N4BP2: variants seen among roughly 807,000 people sequenced by gnomAD.
The protein encoded by N4BP2 is NEDD4-binding protein 2.
A neutral mutation model predicts 152.8 loss-of-function variants in N4BP2; 91 were observed. That is an observed-to-expected ratio of 0.60 (90% CI 0.50 to 0.71). The LOEUF is 0.71. N4BP2 is among the 30% of genes least tolerant of loss of function. N4BP2 has a pLI of 0.00. For synonymous variants in N4BP2, 646 were observed against 705.3 expected (o/e 0.92, Z 1.33); for missense variants, 1,923 against 2,059.1 (o/e 0.93, Z 1.28).
At chr4:40,165,086 C>T in the N4BP2 span, among the ~76,000 whole-genome samples, 2 of 151,756 alleles carry the variant, frequency 1.3e-5, no homozygotes, top group East Asian at 3.9e-4. Context: ...TTTAAAGTAC[C>T]TTATTAATTT....
rs765833633 is a variant in N4BP2, at chr4:40,102,324, A to G, written c.479A>G (p.Gln160Arg). Residue 160 changes from glutamine (Q) to arginine (R), a missense_variant, in exon 4 of 18, where the codon CAA (glutamine) becomes CGA (arginine). Transcript: ENST00000261435. ...FEKLNSSPDD[Q>R]VYSFLPSQDV... ...AAATTGAACTCTTCTCCTGATGACC[A>G]AGTATACTCATTTTTGCCTTCACAA... The G allele has an allele frequency of 1.2e-6, 2 of 1,613,504 alleles. No homozygotes were observed. The highest frequency in any genetic ancestry group is 3.3e-5 in the Admixed American group (2 of 59,854).
Position 40,113,522 on chromosome 4 carries a change from G to C in N4BP2, c.1664+14G>C. 1 of 1,590,144 alleles carries C rather than the reference G, an allele frequency of 6.3e-7. No individual in the cohort carries two copies. Among genetic ancestry groups the C allele is most frequent in the Non-Finnish European group, 8.6e-7 (1 of 1,159,020 alleles). ...GGAACTTGCAAGGTAAAACTTGGAG[G>C]CTACCTAACATGCTTTTTATGTAAC... On this transcript the variant is annotated intron_variant, in intron 7 of 17. Transcript: ENST00000261435.
At chr4:40,101,975 G>T in intron 3 of N4BP2, 100 bp from the exon 4 acceptor site, 1 of 721,666 alleles carries the variant, frequency 1.4e-6, no homozygotes, top group Non-Finnish European at 2.1e-6. Flanking sequence ...TCTGTTCAAT[G>T]CAAAATCCAA....
At chr4:40,140,990 C>G (rs1016230950) in intron 14 of N4BP2, among the ~76,000 whole-genome samples, 2 of 151,260 alleles carry the variant, frequency 1.3e-5, no homozygotes, top group African/African-American at 4.9e-5. Context: ...TGTCTACCTC[C>G]TACTACACAA....
chr4:40,112,085 A>C lies in N4BP2; in HGVS notation c.1500A>C (p.Ala500=). Residue 500 remains alanine, a splice_region_variant and synonymous_variant, in exon 6 of 18, where the codon GCA becomes GCC. Transcript: ENST00000261435. ...TTTTAATTATGTTATGTTTTTCAGC[A>C]AAAGAAGCATTTGAGAAGAAGATAT... ...GEAHEWNQNR[A]KEAFEKKISP... The C allele has an allele frequency of 6.8e-7, 1 of 1,473,950 alleles. No individual in the cohort carries two copies. The highest frequency in any genetic ancestry group is 2.3e-5 in the East Asian group (1 of 43,342). 91.3% of individuals were successfully genotyped at this position (1,473,950 alleles called of 1,614,324 possible).
intron 16 of N4BP2, among the ~76,000 whole-genome samples, chr4:40,150,735 A>G (rs542376990): frequency 6.6e-6 from 1 of 152,200 alleles, no homozygotes; most frequent in African/African-American, 2.4e-5. Context: ...TAAATTGTAA[A>G]GAAAAACACC....
the N4BP2 span, among the ~76,000 whole-genome samples, chr4:40,173,200 CTG>C: frequency 6.6e-6 from 1 of 152,312 alleles, no homozygotes; most frequent in African/African-American, 2.4e-5. Flanking sequence ...TAGGAAACCT[CTG>C]TTCTCCCACC....
chr4:40,124,831 G>A (rs1030584725), intron 11 of N4BP2, among the ~76,000 whole-genome samples: 6 of 152,204 alleles, frequency 3.9e-5, no homozygotes, highest in African/African-American at 7.2e-5. Context: ...GAGAGCAACA[G>A]AGTGTTCATG....
At position 40,097,406 on chromosome 4, in the gene N4BP2, TGTC is replaced by T; in HGVS notation, c.69_71del (p.Val24del). ...GGAAGACTGCAAACCCTAAGGAAGT[TGTC>T]GTATCCAGTGTTGCTAGTCGTGAGG... is the stretch of plus-strand genomic sequence containing the variant. On this transcript the variant is annotated inframe_deletion, in exon 3 of 18. Coordinates refer to ENST00000261435, the MANE Select transcript of N4BP2 (RefSeq NM_018177.6). The T allele has an allele frequency of 2.5e-6, 4 of 1,614,120 alleles. No homozygotes were observed. The highest frequency in any genetic ancestry group is 3.4e-6 in the Non-Finnish European group (4 of 1,180,006).
intron 6 of N4BP2, 94 bp from the exon 7 acceptor site, chr4:40,113,338 A>C (rs1717061652): frequency 1.1e-6 from 1 of 922,366 alleles, no homozygotes; most frequent in South Asian, 1.5e-5. Context: ...AGATTAGATA[A>C]TCTTTACGTT....
At chr4:40,170,507 C>T in the N4BP2 span, among the ~76,000 whole-genome samples, 3 of 152,066 alleles carry the variant, frequency 2.0e-5, no homozygotes, top group Admixed American at 1.3e-4. Flanking sequence ...TAGTCCCATG[C>T]GCCACCACAG....
In N4BP2 at chr4:40,129,924, T is replaced by C. The variant is rs141291206; in HGVS notation, c.4528-1877T>C. 2.4e-3 allele frequency among the ~76,000 whole-genome samples: 363 copies of C among 152,366 alleles called. 1 individual carries two copies. The highest frequency in any genetic ancestry group is 8.3e-3 in the African/African-American group (344 of 41,580). On this transcript the variant is annotated intron_variant, in intron 12 of 17. Coordinates refer to ENST00000261435, the MANE Select transcript of N4BP2 (RefSeq NM_018177.6). The stretch of plus-strand genomic sequence containing the variant: ...ATTAAGGTTACAAGGTTTTAGTTCA[T>C]TGATGAAACCTCAGAATTTATAGTT...
chr4:40,107,696 G>C (rs1029055427), intron 5 of N4BP2, among the ~76,000 whole-genome samples: 1 of 152,078 alleles, frequency 6.6e-6, no homozygotes, highest in Non-Finnish European at 1.5e-5. Flanking sequence ...TAACTGTATA[G>C]TATATATAAA....
chr4:40,169,403 T>C, the N4BP2 span, among the ~76,000 whole-genome samples: 4 of 147,556 alleles, frequency 2.7e-5, no homozygotes, highest in Non-Finnish European at 6.0e-5. Flanking sequence ...ACCTTAAAAA[T>C]AGAGATTTTT....
In N4BP2 at chr4:40,144,830, T is replaced by C. The variant is rs7684708; in HGVS notation, c.5143+30T>C. 5,011 of 1,568,124 alleles carry C rather than the reference T, an allele frequency of 3.2e-3. 140 individuals are homozygous for C. In the African/African-American group the frequency reaches 0.06, roughly 19 times the overall value. On this transcript the variant is annotated intron_variant, in intron 16 of 17. Transcript: ENST00000261435. ...GACTGTGGTAATCACAAGTTTTCAA[T>C]AGAATATATGTCTTTGCTTATATTG... is the stretch of plus-strand genomic sequence containing the variant.
chr4:40,131,101 T>A (rs777432914), intron 12 of N4BP2, among the ~76,000 whole-genome samples: 5 of 152,186 alleles, frequency 3.3e-5, no homozygotes, highest in African/African-American at 7.2e-5. Flanking sequence ...GTTTGTACAC[T>A]GTAGTTTCTG....
At chr4:40,125,667 C>T (rs549480264) in intron 11 of N4BP2, among the ~76,000 whole-genome samples, 15 of 152,302 alleles carry the variant, frequency 9.8e-5, no homozygotes, top group African/African-American at 3.6e-4. Context: ...GGGCGGATCA[C>T]CTGAGGTCAG....
At chr4:40,143,450 A>C (rs1351492308) in intron 15 of N4BP2, among the ~76,000 whole-genome samples, 1 of 152,000 alleles carries the variant, frequency 6.6e-6, no homozygotes, top group African/African-American at 2.4e-5. Context: ...AATAGCTGGG[A>C]CTACAGGCAC....
intron 13 of N4BP2, among the ~76,000 whole-genome samples, chr4:40,133,946 T>C (rs1719128788): frequency 6.6e-6 from 1 of 151,970 alleles, no homozygotes; most frequent in Admixed American, 6.6e-5. Context: ...GCTGGGACTA[T>C]AGACACGTGC....
Sources: gnomAD v4.1 joint callset for allele counts (sites outside exome capture counted in the v4.1 genomes callset) on GRCh38, gnomAD v4.1.1 for gene constraint, MANE v1.5 for transcripts, NCBI Gene and HGNC (gene_info 2026-07-23, HGNC 2026-07-21) for gene names.